PDPN: variants seen among roughly 807,000 people sequenced by gnomAD.
The protein encoded by PDPN is PA2.26 antigen.
PDPN carries 12 observed loss-of-function variants against 23.2 expected under a neutral mutation model. The observed-to-expected ratio is 0.52, with a 90% CI of 0.33 to 0.84. The LOEUF is 0.84. Among genes scored for constraint, PDPN ranks in the 40% least tolerant of loss-of-function variants. The pLI is 0.02. For synonymous variants in PDPN, 77 were observed against 76.7 expected, an observed-to-expected ratio of 1.00 and a Z score of -0.02; for missense variants, 199 against 212.2, an observed-to-expected ratio of 0.94 and a Z score of 0.39.
At chr1:13,607,416 GC>G in intron 2 of PDPN, 110 bp downstream of exon 2, 1 of 741,888 alleles carries the variant, frequency 1.3e-6, no homozygotes, top group Non-Finnish European at 2.0e-6. Context: ...TATAAAATCA[GC>G]ATGAGCCACC....
intron 1 of PDPN, among the ~76,000 whole-genome samples, chr1:13,601,431 C>G (rs149722879): frequency 6.6e-6 from 1 of 152,174 alleles, no homozygotes; most frequent in African/African-American, 2.4e-5. Context: ...ATCTTGGCTC[C>G]CTGCAACGTC....
At chr1:13,608,108 AAAAT>A (rs146751493) in intron 2 of PDPN, among the ~76,000 whole-genome samples, 11,855 of 152,146 alleles carry the variant, frequency 0.078, 508 homozygotes, top group African/African-American at 0.091. Context: ...TCCGCCTCAA[AAAAT>A]AAATAAATAA....
At chr1:13,591,540 A>G (rs1431714056) in intron 1 of PDPN, among the ~76,000 whole-genome samples, 2 of 152,092 alleles carry the variant, frequency 1.3e-5, no homozygotes, top group East Asian at 1.9e-4. Flanking sequence ...CCTGACCGCC[A>G]TCGATCTACT....
chr1:13,595,109 G>C (rs1313760773), intron 1 of PDPN, among the ~76,000 whole-genome samples: 1 of 152,158 alleles, frequency 6.6e-6, no homozygotes, highest in Admixed American at 6.5e-5. Context: ...ACACCTCGTG[G>C]ATTGTCTTAG....
At position 13,583,987 on chromosome 1, in the gene PDPN, G is replaced by GC. The variant is rs772685858; in HGVS notation, c.-47_-46insC. On this transcript the variant is annotated 5_prime_UTR_variant, in exon 1 of 6. Coordinates refer to ENST00000621990, the MANE Select transcript of PDPN (RefSeq NM_006474.5). The stretch of plus-strand genomic sequence containing the variant: ...TGCTTTTTAATTTTCCCCCAGCTCA[G>GC]AATCTTGCTGCTCGGCCCCCAGGAG... 1 of 1,613,690 alleles carries GC rather than the reference G, an allele frequency of 6.2e-7. No individual in the cohort carries two copies. Among genetic ancestry groups the GC allele is most frequent in the Admixed American group, 1.7e-5 (1 of 60,034 alleles).
At chr1:13,612,083 C>T (rs921083317) in intron 3 of PDPN, among the ~76,000 whole-genome samples, 2 of 148,922 alleles carry the variant, frequency 1.3e-5, no homozygotes, top group East Asian at 4.0e-4. Flanking sequence ...TTCTTCCTGT[C>T]CCCTGCCCCA....
At chr1:13,610,538 A>G in intron 3 of PDPN, 22 bp downstream of exon 3, 1 of 1,607,978 alleles carries the variant, frequency 6.2e-7, no homozygotes, top group East Asian at 2.2e-5. Context: ...AGCCACCTCC[A>G]TGGGGGCTGA....
chr1:13,607,195 T>C lies in PDPN; in HGVS notation c.90T>C (p.Asp30=). ...AEGASTGQPE[D]DTETTGLEGG... is the part of the protein sequence containing the mutation. ...CAGCCAGCACAGGCCAGCCAGAAGA[T>C]GACACTGAGACTACAGGTTTGGAAG... Residue 30 remains aspartate, a synonymous_variant, in exon 2 of 6, where the codon GAT becomes GAC. Transcript: ENST00000621990. 1 of 1,614,092 alleles carries C rather than the reference T, an allele frequency of 6.2e-7. No homozygotes were observed. Among genetic ancestry groups the C allele is most frequent in the Non-Finnish European group, 8.5e-7 (1 of 1,179,938 alleles).
At chr1:13,615,292 C>CTTTTTT (rs1222538756) in intron 5 of PDPN, among the ~76,000 whole-genome samples, 1 of 112,176 alleles carries the variant, frequency 8.9e-6, no homozygotes. Context: ...CTTTCTTTTT[C>CTTTTTT]TTTTTCTTTT....
chr1:13,615,852 C>A (rs373939409), intron 5 of PDPN, 53 bp from the exon 6 acceptor site: 135 of 1,547,066 alleles, frequency 8.7e-5, no homozygotes, highest in Non-Finnish European at 1.2e-4. Flanking sequence ...CACGGAGTTA[C>A]TATTCACAAT....
chr1:13,617,899 G>A lies in PDPN; in HGVS notation c.*1988G>A, dbSNP rs969667518. On this transcript the variant is annotated 3_prime_UTR_variant, in exon 6 of 6. Transcript: ENST00000621990. ...GACTGTGGGTTTCTTGGTCACACCT[G>A]TGTTGGTGCTCAATGCAGTGTAGAC... 1.3e-5 allele frequency: 2 copies of A among 152,150 alleles called. No homozygotes were observed. The highest frequency in any genetic ancestry group is 4.8e-5 in the African/African-American group (2 of 41,422). The allele number at this position is 152,150 out of a possible 1,614,324, so 9.4% of individuals were successfully genotyped here.
intron 5 of PDPN, 177 bp downstream of exon 5, chr1:13,614,588 A>G (rs1641020466): frequency 1.8e-6 from 1 of 551,522 alleles, no homozygotes; most frequent in African/African-American, 1.9e-5. Flanking sequence ...CCCTGTCTCA[A>G]AAAAATAATC....
chr1:13,609,932 C>T (rs973282331), intron 2 of PDPN, among the ~76,000 whole-genome samples: 8 of 152,000 alleles, frequency 5.3e-5, no homozygotes, highest in East Asian at 3.9e-4. Flanking sequence ...GGTGTGGTGG[C>T]GGGCGCCTGT....
At chr1:13,594,713 A>G (rs1640442198) in intron 1 of PDPN, among the ~76,000 whole-genome samples, 1 of 152,150 alleles carries the variant, frequency 6.6e-6, no homozygotes, top group Admixed American at 6.5e-5. Context: ...GCTGCTGGGT[A>G]CGGTGGCTTA....
chr1:13,596,365 C>A (rs1245767036), intron 1 of PDPN, among the ~76,000 whole-genome samples: 1 of 152,142 alleles, frequency 6.6e-6, no homozygotes, highest in Non-Finnish European at 1.5e-5. Flanking sequence ...AGTGAGGGGA[C>A]ATGTCTGTGG....
intron 1 of PDPN, chr1:13,585,311 T>C: frequency 3.7e-6 from 1 of 271,306 alleles, no homozygotes; most frequent in Non-Finnish European, 6.9e-6. Context: ...CTCAGGGAAA[T>C]GACAGAGTTC....
At chr1:13,588,980 A>AGCTACTATTCAATAAATTGAATAGT (rs70984264) in intron 1 of PDPN, among the ~76,000 whole-genome samples, 49,864 of 126,710 alleles carry the variant, frequency 0.39, 11,781 homozygotes, top group African/African-American at 0.51. Context: ...TTCATTGAAT[A>AGCTACTATTCAATAAATTGAATAGT]GCTACTATTC....
At chr1:13,613,624 A>T in intron 3 of PDPN, 63 bp from the exon 4 acceptor site, 1 of 818,734 alleles carries the variant, frequency 1.2e-6, no homozygotes, top group East Asian at 2.6e-5. Flanking sequence ...ATCTTTTGCC[A>T]GTTGTTAAAT....
At chr1:13,591,711 T>C (rs1640348272) in intron 1 of PDPN, among the ~76,000 whole-genome samples, 1 of 152,216 alleles carries the variant, frequency 6.6e-6, no homozygotes, top group Non-Finnish European at 1.5e-5. Context: ...AAAAATTTTT[T>C]AGAGATGAGG....
Sources: gnomAD v4.1 joint callset for allele counts (sites outside exome capture counted in the v4.1 genomes callset) on GRCh38, gnomAD v4.1.1 for gene constraint, MANE v1.5 for transcripts, NCBI Gene and HGNC (gene_info 2026-07-23, HGNC 2026-07-21) for gene names.